The following SHB variants were observed in gnomAD, a reference collection of about 807,000 sequenced individuals.
The protein encoded by SHB is SH2 domain-containing adapter protein B.
SHB carries 20 observed loss-of-function variants against 52.3 expected under a neutral mutation model. That is an observed-to-expected ratio of 0.38 (90% confidence interval 0.27 to 0.56). The LOEUF (loss-of-function observed/expected upper bound fraction) is 0.56, where lower values mean the gene tolerates loss of function less well. Among genes scored for constraint, SHB ranks in the 20% least tolerant of loss-of-function variants. The pLI is 0.71. For missense variants in SHB, 825 were observed against 723.3 expected, an observed-to-expected ratio of 1.14 and a Z score of -1.61; for synonymous variants, 397 against 316.5, an observed-to-expected ratio of 1.25 and a Z score of -2.70.
intron 5 of SHB, among the ~76,000 whole-genome samples, chr9:37,935,329 G>A (rs944198140): frequency 9.2e-5 from 14 of 152,176 alleles, no homozygotes; most frequent in African/African-American, 2.2e-4. Context: ...GCCCGGCACC[G>A]TGCAAATGCA....
rs1245372862 is a variant in SHB, at chr9:38,067,971, G to A, written c.675C>T (p.Ala225=). The A allele has an allele frequency of 1.9e-6, 3 of 1,552,594 alleles. No homozygotes were observed. Among genetic ancestry groups the A allele is most frequent in the South Asian group, 2.4e-5 (2 of 85,086 alleles). The change falls in exon 1 of 6, where the codon GCC becomes GCT. Residue 225 remains alanine (A), a synonymous_variant. Coordinates refer to ENST00000377707, the MANE Select transcript of SHB (RefSeq NM_003028.3). Reference sequence around the variant, plus strand: ...CCCCGCTCTCCTCCGCGGCTGAGGCGGCGCACTTGTTGAGCAGTTTCTTGC... The same window carrying A: ...CCCCGCTCTCCTCCGCGGCTGAGGCAGCGCACTTGTTGAGCAGTTTCTTGC... ...CGGKKLLNKC[A]ASAAEESGAG...
intron 2 of SHB, among the ~76,000 whole-genome samples, chr9:37,998,895 C>T (rs1005510611): frequency 1.3e-5 from 2 of 152,208 alleles, no homozygotes; most frequent in Admixed American, 1.3e-4. Context: ...CAGTTTCAAC[C>T]AGCTCTTCCC....
chr9:38,052,356 C>T (rs1821762690), intron 1 of SHB, among the ~76,000 whole-genome samples: 1 of 152,182 alleles, frequency 6.6e-6, no homozygotes, highest in South Asian at 2.1e-4. Context: ...GAGCCATTCC[C>T]GGCTCAGACT....
intron 1 of SHB, among the ~76,000 whole-genome samples, chr9:38,060,387 C>T (rs1211199996): frequency 6.6e-6 from 1 of 152,126 alleles, no homozygotes; most frequent in African/African-American, 2.4e-5. Flanking sequence ...GTTGGCCAGG[C>T]TGGTCTCCAA....
At chr9:38,044,091 G>T (rs193008505) in intron 1 of SHB, among the ~76,000 whole-genome samples, 96 of 152,302 alleles carry the variant, frequency 6.3e-4, no homozygotes, top group African/African-American at 1.9e-3. Context: ...ATTACAGGGA[G>T]GAGGCCGGTG....
intron 5 of SHB, among the ~76,000 whole-genome samples, chr9:37,942,819 C>G (rs1008802373): frequency 6.6e-6 from 1 of 152,068 alleles, no homozygotes; most frequent in Non-Finnish European, 1.5e-5. Flanking sequence ...GTGCTGTTCG[C>G]CTTCTGGACT....
At chr9:37,993,400 T>C (rs1679391419) in intron 2 of SHB, among the ~76,000 whole-genome samples, 1 of 152,136 alleles carries the variant, frequency 6.6e-6, no homozygotes, top group Admixed American at 6.5e-5. Flanking sequence ...CAATGTGATA[T>C]GAAACAGAAA....
At chr9:37,922,305 T>C (rs777442164) in intron 5 of SHB, among the ~76,000 whole-genome samples, 63 of 152,362 alleles carry the variant, frequency 4.1e-4, no homozygotes, top group Admixed American at 1.6e-3. Context: ...CTACGGCATC[T>C]GGCAAGGGAA....
intron 1 of SHB, among the ~76,000 whole-genome samples, chr9:38,051,440 TAAAA>T (rs59860349): frequency 2.8e-5 from 3 of 107,536 alleles, no homozygotes; most frequent in Admixed American, 1.0e-4. Flanking sequence ...AGACTCCGTC[TAAAA>T]AAAAAAAAAA....
chr9:37,952,731 C>A (rs76640878), intron 4 of SHB, among the ~76,000 whole-genome samples: 3,029 of 151,964 alleles, frequency 0.02, 104 homozygotes, highest in African/African-American at 0.068. Context: ...AAAAAGGAAT[C>A]AAGATGATGA....
At chr9:37,959,160 G>A (rs1832668026) in intron 3 of SHB, among the ~76,000 whole-genome samples, 1 of 152,174 alleles carries the variant, frequency 6.6e-6, no homozygotes, top group Non-Finnish European at 1.5e-5. Context: ...TCAATGACGG[G>A]AGGGATGTAG....
Position 37,964,464 on chromosome 9 carries a change from T to G in SHB, c.1055-8410A>C, listed in dbSNP as rs565133234. 3.3e-5 allele frequency among the ~76,000 whole-genome samples: 5 copies of G among 152,306 alleles called. No individual in the cohort carries two copies. The South Asian group carries it at 8.3e-4, about 25-fold the overall frequency. ...AAGACCCCACCCTAAGATCTGATGC[T>G]TGACTACAGGAAATCTAAAGATAAA... On this transcript the variant is annotated intron_variant, in intron 3 of 5. Transcript: ENST00000377707.
rs77401090 is a variant in SHB at position 37,957,931 on chromosome 9, A to G, written c.1055-1877T>C. Among the ~76,000 whole-genome samples, 714 of 152,328 alleles carry G rather than the reference A, an allele frequency of 4.7e-3. 18 individuals are homozygous for G. The East Asian group carries it at 0.074, about 16-fold the overall frequency. ...AGGGCCCTGGGGTGGGACTGTGCCT[A>G]GAGTGAGACACAAAATGATCCAGAG... On this transcript the variant is annotated intron_variant, in intron 3 of 5. Transcript: ENST00000377707.
intron 1 of SHB, among the ~76,000 whole-genome samples, chr9:38,026,133 T>C (rs914715056): frequency 1.3e-5 from 2 of 152,208 alleles, no homozygotes; most frequent in African/African-American, 4.8e-5. Flanking sequence ...TAACTTCCAG[T>C]GTGCTCACAG....
At chr9:38,051,207 C>T (rs188830105) in intron 1 of SHB, among the ~76,000 whole-genome samples, 27 of 152,078 alleles carry the variant, frequency 1.8e-4, no homozygotes, top group South Asian at 6.2e-4. Context: ...CTTTGGAAGG[C>T]GAGGCGGGCA....
In SHB at chr9:38,066,439, T is replaced by C. The variant is rs542453730; in HGVS notation, c.717+1490A>G. 1.2e-3 allele frequency among the ~76,000 whole-genome samples: 186 copies of C among 152,276 alleles called. 1 individual carries two copies. Among genetic ancestry groups the C allele is most frequent in the African/African-American group, 4.3e-3 (177 of 41,556 alleles). ...TGCATAAGACTGCACGGAGCCTATC[T>C]GGTGTTTCCCTCACTGACCAAACAC... is the stretch of plus-strand genomic sequence containing the variant. On this transcript the variant is annotated intron_variant, in intron 1 of 5. Transcript: ENST00000377707.
rs546976389 is a variant in SHB at position 37,976,032 on chromosome 9, TTTTTA to T, written c.839-1200_839-1196del. 3.2e-3 allele frequency among the ~76,000 whole-genome samples: 492 copies of T among 152,266 alleles called. 5 individuals are homozygous for T. Among genetic ancestry groups the T allele is most frequent in the African/African-American group, 0.011 (450 of 41,532 alleles). ...AATACATATAATAACATTGAGCACT[TTTTTA>T]TTTTATTTTATTTTTTGAGATGGAG... On this transcript the variant is annotated intron_variant, in intron 2 of 5. Coordinates refer to ENST00000377707, the MANE Select transcript of SHB (RefSeq NM_003028.3).
At chr9:38,029,296 G>A (rs1207640295) in intron 1 of SHB, among the ~76,000 whole-genome samples, 2 of 152,282 alleles carry the variant, frequency 1.3e-5, no homozygotes, top group Middle Eastern at 3.4e-3. Context: ...AAAGCCAGAA[G>A]TCCTACCAAT....
At chr9:38,039,865 G>A (rs1821550125) in intron 1 of SHB, among the ~76,000 whole-genome samples, 1 of 152,256 alleles carries the variant, frequency 6.6e-6, no homozygotes, top group African/African-American at 2.4e-5. Flanking sequence ...CGAGGGGAGA[G>A]GAGGAGAAAT....
Sources: allele counts gnomAD v4.1 joint callset (sites outside exome capture counted in the v4.1 genomes callset), GRCh38; gene constraint gnomAD v4.1.1; transcripts MANE v1.5; gene names NCBI Gene and HGNC (gene_info 2026-07-23, HGNC 2026-07-21).